Variants in BBS9 observed in about 807,000 individuals in gnomAD.
BBS9 encodes the protein protein PTHB1.
BBS9 carries 89 observed loss-of-function variants against 117.7 expected under a neutral mutation model. The observed-to-expected ratio is 0.76, with a 90% CI of 0.64 to 0.90. BBS9 has a LOEUF of 0.90. Ranked by LOEUF, BBS9 falls within the 40% of genes least tolerant of loss-of-function variation. BBS9 has a pLI of 0.00. For synonymous variants in BBS9, 379 were observed against 370.9 expected, an observed-to-expected ratio of 1.02 and a Z score of -0.25; for missense variants, 982 against 1,042.2, an observed-to-expected ratio of 0.94 and a Z score of 0.80.
intron 9 of BBS9, among the ~76,000 whole-genome samples, chr7:33,294,329 C>T: frequency 1.4e-5 from 2 of 146,806 alleles, no homozygotes; most frequent in African/African-American, 5.1e-5. Context: ...ATCTATCTAT[C>T]TATCTATCTA....
At chr7:33,174,870 G>C (rs994258586) in intron 4 of BBS9, among the ~76,000 whole-genome samples, 9 of 152,178 alleles carry the variant, frequency 5.9e-5, no homozygotes, top group African/African-American at 2.2e-4. Flanking sequence ...CATGTGGCTG[G>C]TTTGGTTGTG....
At chr7:33,145,526 C>T (rs1244638087) in intron 1 of BBS9, among the ~76,000 whole-genome samples, 1 of 152,182 alleles carries the variant, frequency 6.6e-6, no homozygotes, top group Non-Finnish European at 1.5e-5. Context: ...CCTCTTCTAT[C>T]TTGCCTTTCT....
chr7:33,484,826 A>T (rs2128981988), intron 19 of BBS9, among the ~76,000 whole-genome samples: 1 of 152,350 alleles, frequency 6.6e-6, no homozygotes, highest in Middle Eastern at 3.4e-3. Flanking sequence ...TCCTTCTGTT[A>T]TAAAGATACA....
chr7:33,534,138 GT>G lies in BBS9; in HGVS notation c.2484del (p.Ser828ArgfsTer24). On this transcript the variant is annotated frameshift_variant, in exon 21 of 23. Transcript: ENST00000242067. LOFTEE classifies it high-confidence loss of function. ...TCCAAAGGTGGCCGTCTCTGCCTAA[GT>G]ACCGATGCAGCAGCCCCACAGACCA... ...RLSKGGRLCL[S>X]TDAAAPQTMV... The G allele has an allele frequency of 6.2e-7, 1 of 1,614,186 alleles. No individual in the cohort carries two copies. Among genetic ancestry groups the G allele is most frequent in the Non-Finnish European group, 8.5e-7 (1 of 1,180,044 alleles).
intron 19 of BBS9, among the ~76,000 whole-genome samples, chr7:33,410,532 T>C (rs1830927878): frequency 6.6e-6 from 1 of 152,192 alleles, no homozygotes. Flanking sequence ...TTCTGTCTTG[T>C]CAGAAAGATT....
At chr7:33,171,853 T>TA (rs1392685279) in intron 4 of BBS9, among the ~76,000 whole-genome samples, 4 of 152,108 alleles carry the variant, frequency 2.6e-5, no homozygotes, top group Admixed American at 6.6e-5. Context: ...TGTCTTCCCT[T>TA]AGTCATTCTG....
intron 21 of BBS9, 44 bp downstream of exon 21, chr7:33,534,220 C>G: frequency 6.4e-7 from 1 of 1,573,934 alleles, no homozygotes. Context: ...TGTACTTCTC[C>G]TAAATTAGAG....
Position 33,364,240 on chromosome 7 carries a change from G to A in BBS9, c.1694-3527G>A, listed in dbSNP as rs1443764146. On this transcript the variant is annotated intron_variant, in intron 16 of 22. Coordinates refer to ENST00000242067, the MANE Select transcript of BBS9 (RefSeq NM_198428.3). ...TGGGATTACAGGCGTGAGCCACCGC[G>A]CCCGGCCTTCACTATATTTTTAGAT... is the stretch of plus-strand genomic sequence containing the variant. Among the ~76,000 whole-genome samples, 4 of 31,884 alleles carry A rather than the reference G, an allele frequency of 1.3e-4. 1 individual carries two copies. Among genetic ancestry groups the A allele is most frequent in the Admixed American group, 4.5e-4 (2 of 4,424 alleles). The allele number at this position is 31,884 out of a possible 152,430, so 20.9% of individuals were successfully genotyped here. A position where few individuals can be genotyped will look rare whatever the true frequency, so the allele number is the denominator to read the frequency against.
At chr7:33,417,691 G>A (rs1369359745) in intron 19 of BBS9, among the ~76,000 whole-genome samples, 20 of 152,184 alleles carry the variant, frequency 1.3e-4, no homozygotes, top group Admixed American at 1.3e-3. Flanking sequence ...TATAAGAAAG[G>A]AGATTTTCTA....
At position 33,374,483 on chromosome 7, in the gene BBS9, C is replaced by T. The variant is rs181760902; in HGVS notation, c.1789+6621C>T. ...TAATATTTATTTTAAAATTTCTTAG[C>T]AATATTATCAAGTGACAATGAGAAT... On this transcript the variant is annotated intron_variant, in intron 17 of 22. Transcript: ENST00000242067. Among the ~76,000 whole-genome samples the T allele has an allele frequency of 2.5e-3, 377 of 152,078 alleles. 1 individual carries two copies. The highest frequency in any genetic ancestry group is 3.4e-3 in the Non-Finnish European group (231 of 67,956).
intron 19 of BBS9, among the ~76,000 whole-genome samples, chr7:33,479,764 A>G (rs1441138304): frequency 1.3e-5 from 2 of 152,028 alleles, no homozygotes. Flanking sequence ...TTTAAATACT[A>G]GCCATTCTGA....
intron 9 of BBS9, among the ~76,000 whole-genome samples, 183 bp downstream of exon 9, chr7:33,274,139 A>G (rs1378878830): frequency 6.6e-6 from 1 of 152,232 alleles, no homozygotes; most frequent in African/African-American, 2.4e-5. Flanking sequence ...AATTAGTGCT[A>G]TTAATCATTT....
At chr7:33,147,517 A>G (rs1792609873) in intron 2 of BBS9, among the ~76,000 whole-genome samples, 1 of 152,132 alleles carries the variant, frequency 6.6e-6, no homozygotes, top group South Asian at 2.1e-4. Flanking sequence ...TTCCACTGAT[A>G]GGAGATGGGA....
chr7:33,335,323 AAGT>A (rs1212255669), intron 9 of BBS9, among the ~76,000 whole-genome samples: 1 of 152,180 alleles, frequency 6.6e-6, no homozygotes, highest in Admixed American at 6.5e-5. Context: ...TTGCCTCTTC[AAGT>A]AGCTGGGAGT....
At chr7:33,185,142 A>G (rs1045519491) in intron 5 of BBS9, among the ~76,000 whole-genome samples, 23 of 152,172 alleles carry the variant, frequency 1.5e-4, no homozygotes, top group Admixed American at 8.5e-4. Context: ...TTTGGTCGCC[A>G]TCTTGGTTTT....
chr7:33,410,206 A>G (rs1466462396), intron 19 of BBS9, among the ~76,000 whole-genome samples: 1 of 152,136 alleles, frequency 6.6e-6, no homozygotes, highest in African/African-American at 2.4e-5. Context: ...TAAAGAAGAG[A>G]TGGCTTATTC....
intron 5 of BBS9, among the ~76,000 whole-genome samples, chr7:33,220,679 A>G (rs1428723318): frequency 2.0e-5 from 3 of 152,222 alleles, no homozygotes; most frequent in Admixed American, 1.3e-4. Context: ...TCCTTTATAC[A>G]TATATTATTT....
chr7:33,434,581 T>G (rs1013430787), intron 19 of BBS9, among the ~76,000 whole-genome samples: 4 of 152,124 alleles, frequency 2.6e-5, no homozygotes, highest in African/African-American at 9.7e-5. Flanking sequence ...TAACAACAGT[T>G]CTGTAAGTCT....
chr7:33,520,556 A>G (rs1327477355), intron 20 of BBS9, among the ~76,000 whole-genome samples: 4 of 152,228 alleles, frequency 2.6e-5, no homozygotes, highest in African/African-American at 7.2e-5. Context: ...TAATTTTCCC[A>G]GAGACATTAA....
Sources: gnomAD v4.1 joint callset for allele counts (sites outside exome capture counted in the v4.1 genomes callset) on GRCh38, gnomAD v4.1.1 for gene constraint, MANE v1.5 for transcripts, NCBI Gene and HGNC (gene_info 2026-07-23, HGNC 2026-07-21) for gene names.